Variants in ANKHD1 observed in about 807,000 individuals in gnomAD.
ANKHD1 encodes ankyrin repeat and KH domain containing 1.
In ANKHD1, 31 loss-of-function variants were observed where a neutral mutation model predicts 230.5. The ratio of observed to expected loss-of-function variants is 0.13; its 90% CI spans 0.10 to 0.18. The LOEUF (loss-of-function observed/expected upper bound fraction) is 0.18, where lower values mean the gene tolerates loss of function less well. Among genes scored for constraint, ANKHD1 ranks in the 10% least tolerant of loss-of-function variants. ANKHD1 has a pLI of 1.00. For missense variants in ANKHD1, 2,256 were observed against 3,071.3 expected, an observed-to-expected ratio of 0.73 and a Z score of 6.27; for synonymous variants, 1,074 against 1,117.6, an observed-to-expected ratio of 0.96 and a Z score of 0.78.
intron 1 of ANKHD1, among the ~76,000 whole-genome samples, chr5:140,429,631 T>C (rs889349766): frequency 6.6e-6 from 1 of 152,202 alleles, no homozygotes; most frequent in African/African-American, 2.4e-5. Context: ...AACAAATATA[T>C]GTAATGTACA....
chr5:140,458,996 G>GTATATATATATATATATA (rs1775489101), intron 8 of ANKHD1, 134 bp downstream of exon 8: 1 of 14,346 alleles, frequency 7.0e-5, no homozygotes, highest in Admixed American at 9.9e-4. Context: ...ATATATATAT[G>GTATATATATATATATATA]CATATATATA....
intron 3 of ANKHD1, among the ~76,000 whole-genome samples, chr5:140,439,120 C>T (rs1355773729): frequency 2.6e-5 from 4 of 151,962 alleles, no homozygotes; most frequent in East Asian, 1.9e-4. Context: ...ACAAGAAATA[C>T]GAGTAACTCG....
chr5:140,440,075 G>C (rs139501314), intron 3 of ANKHD1, 44 bp from the exon 4 acceptor site: 31 of 1,502,618 alleles, frequency 2.1e-5, no homozygotes, highest in Non-Finnish European at 2.0e-5. Flanking sequence ...TAGGACCCCC[G>C]AGTCTTTTTG....
chr5:140,473,854 A>G (rs1421896420), intron 10 of ANKHD1, among the ~76,000 whole-genome samples: 1 of 152,210 alleles, frequency 6.6e-6, no homozygotes, highest in Non-Finnish European at 1.5e-5. Flanking sequence ...TCTAGCTGCA[A>G]GTCTCAAAAC....
intron 32 of ANKHD1, among the ~76,000 whole-genome samples, chr5:140,538,681 T>C (rs1754181577): frequency 6.6e-6 from 1 of 152,222 alleles, no homozygotes; most frequent in African/African-American, 2.4e-5. Flanking sequence ...ATATGAGAAA[T>C]TTCCTGATGA....
At chr5:140,407,025 G>T (rs1000331230) in intron 1 of ANKHD1, among the ~76,000 whole-genome samples, 1 of 152,008 alleles carries the variant, frequency 6.6e-6, no homozygotes, top group African/African-American at 2.4e-5. Flanking sequence ...GGCCTGGTGC[G>T]GTGGCTAACG....
chr5:140,527,783 C>A lies in ANKHD1; in HGVS notation c.5088-90C>A. On this transcript the variant is annotated intron_variant, in intron 27 of 33. Coordinates refer to ENST00000360839, the MANE Select transcript of ANKHD1 (RefSeq NM_017747.3). This position sits in a 1 kb window ranked among gnomAD's most constrained non-coding sequence, Gnocchi z 4.5. ...TTAGCATTTAAGAAATGTTATTCTC[C>A]AAAATGTCCATGAACATACTTACTA... is the stretch of plus-strand genomic sequence containing the variant. The A allele has an allele frequency of 7.4e-7, 1 of 1,346,942 alleles. No individual in the cohort carries two copies. The highest frequency in any genetic ancestry group is 9.7e-7 in the Non-Finnish European group (1 of 1,034,558). 83.4% of individuals were successfully genotyped at this position (1,346,942 alleles called of 1,614,324 possible). A position where few individuals can be genotyped will look rare whatever the true frequency, so the allele number is the denominator to read the frequency against.
In ANKHD1 at chr5:140,486,059, C is replaced by G. The variant is rs145660415; in HGVS notation, c.2142+327C>G. ...CAAGAGAATCAAGAGAAAGCTTTTT[C>G]TTTTTTCTTTTGTTTTTTTTTTTGA... On this transcript the variant is annotated intron_variant, in intron 13 of 33. Coordinates refer to ENST00000360839, the MANE Select transcript of ANKHD1 (RefSeq NM_017747.3). 2.2e-3 allele frequency: 559 copies of G among 249,036 alleles called. 6 individuals carry two copies. Among genetic ancestry groups the G allele is most frequent in the African/African-American group, 0.013 (543 of 42,692 alleles). The allele number at this position is 249,036 out of a possible 1,614,324, so 15.4% of individuals were successfully genotyped here.
chr5:140,521,862 C>A (rs372479834), intron 24 of ANKHD1, among the ~76,000 whole-genome samples: 1 of 152,140 alleles, frequency 6.6e-6, no homozygotes, highest in Non-Finnish European at 1.5e-5. Flanking sequence ...GCCTGTAATC[C>A]CAGCTACCTG....
chr5:140,539,513 C>A lies in ANKHD1; in HGVS notation c.*95C>A. On this transcript the variant is annotated 3_prime_UTR_variant, in exon 34 of 34. Transcript: ENST00000360839. ...TTTTAATGTGCCTAAGAAATTTTCT[C>A]TGAGGCTTTAGCAATGGAAATTTGA... The A allele has an allele frequency of 7.2e-7, 1 of 1,394,468 alleles. No individual in the cohort carries two copies. Among genetic ancestry groups the A allele is most frequent in the Non-Finnish European group, 9.8e-7 (1 of 1,015,374 alleles). 86.4% of individuals were successfully genotyped at this position (1,394,468 alleles called of 1,614,324 possible). A position where few individuals can be genotyped will look rare whatever the true frequency, so the allele number is the denominator to read the frequency against.
rs753587080 is a variant in ANKHD1, at chr5:140,445,721, AT to A, written c.914-18del. 4.8e-5 allele frequency: 74 copies of A among 1,546,444 alleles called. No individual in the cohort carries two copies. In the African/African-American group the frequency reaches 8.2e-4, roughly 17 times the overall value. On this transcript the variant is annotated intron_variant, in intron 5 of 33. Coordinates refer to ENST00000360839, the MANE Select transcript of ANKHD1 (RefSeq NM_017747.3). ...AATATATATTCTGCTCATGTATTATATTTCTTCTTCTTCTTTTTAGGAAACA... is the reference window on the plus strand; with the variant it reads ...AATATATATTCTGCTCATGTATTATATTCTTCTTCTTCTTTTTAGGAAACA...
intron 24 of ANKHD1, among the ~76,000 whole-genome samples, chr5:140,518,955 G>C (rs1753183665): frequency 6.6e-6 from 1 of 152,132 alleles, no homozygotes; most frequent in African/African-American, 2.4e-5. Context: ...GCAGGAGAAG[G>C]AAATAAAGGG....
rs758134675 is a variant in ANKHD1, at chr5:140,458,755, T to C, written c.1373T>C (p.Ile458Thr). ...CATGTTGAATTGGCAGCTCTACTTATTGAAAGGGGAGCAAATCTTGAAGAA... is the reference window on the plus strand; with the variant it reads ...CATGTTGAATTGGCAGCTCTACTTACTGAAAGGGGAGCAAATCTTGAAGAA... ...GGHVELAALL[I>T]ERGANLEEVN... The change falls in exon 8 of 34, where the codon ATT (isoleucine) becomes ACT (threonine). Residue 458 changes from isoleucine to threonine, a missense_variant. Coordinates refer to ENST00000360839, the MANE Select transcript of ANKHD1 (RefSeq NM_017747.3). 6 of 1,613,116 alleles carry C rather than the reference T, an allele frequency of 3.7e-6. No homozygotes were observed. The East Asian group carries it at 8.9e-5, about 24-fold the overall frequency.
chr5:140,480,468 C>G (rs1751224042), intron 10 of ANKHD1, among the ~76,000 whole-genome samples: 1 of 151,988 alleles, frequency 6.6e-6, no homozygotes, highest in African/African-American at 2.4e-5. Context: ...ATGTCTTTGC[C>G]ATGACTCACG....
chr5:140,414,015 A>T (rs1771151922), intron 1 of ANKHD1, among the ~76,000 whole-genome samples: 1 of 152,082 alleles, frequency 6.6e-6, no homozygotes, highest in Non-Finnish European at 1.5e-5. Context: ...TCCTGACCTC[A>T]TGTGATCCAC....
chr5:140,439,507 T>C (rs1193029544), intron 3 of ANKHD1, among the ~76,000 whole-genome samples: 2 of 151,982 alleles, frequency 1.3e-5, no homozygotes, highest in African/African-American at 4.8e-5. Flanking sequence ...GCATCTCTCC[T>C]AAAAATACAA....
At chr5:140,495,061 C>A (rs1282878677) in intron 14 of ANKHD1, among the ~76,000 whole-genome samples, 1 of 152,040 alleles carries the variant, frequency 6.6e-6, no homozygotes, top group East Asian at 1.9e-4. Flanking sequence ...ACTGTTATAA[C>A]CTCAGGCAGC....
chr5:140,505,732 C>T lies in ANKHD1; in HGVS notation c.3271C>T (p.Pro1091Ser). ...IEHRDKKGFTPLILAATAGHV... is the reference protein window; with the variant it reads ...IEHRDKKGFTSLILAATAGHV... ...TTCATTTTCTGATTTAGGTTTCACA[C>T]CACTAATCCTGGCAGCAACAGCAGG... Residue 1091 changes from proline (P) to serine (S), a missense_variant, in exon 18 of 34, where the codon CCA (proline) becomes TCA (serine). Physicochemically the swap from Pro to Ser is moderately conservative, Grantham distance 74. Around this residue, in one of 13 missense-constraint regions of ANKHD1, gnomAD observed 63 missense variants for 125.5 expected, o/e 0.50. Transcript: ENST00000360839. 6.2e-7 allele frequency: 1 copy of T among 1,601,236 alleles called. No homozygotes were observed. Among genetic ancestry groups the T allele is most frequent in the South Asian group, 1.1e-5 (1 of 87,680 alleles).
intron 1 of ANKHD1, among the ~76,000 whole-genome samples, chr5:140,431,695 G>C (rs995014580): frequency 3.3e-5 from 5 of 152,162 alleles, no homozygotes; most frequent in Admixed American, 3.3e-4. Flanking sequence ...TTGATCTCCA[G>C]TGTAATATGC....
Sources: allele counts gnomAD v4.1 joint callset (sites outside exome capture counted in the v4.1 genomes callset), GRCh38; gene constraint gnomAD v4.1.1; regional missense constraint gnomAD v4.1.1; non-coding constraint Gnocchi (gnomAD v3.1); transcripts MANE v1.5; gene names NCBI Gene and HGNC (gene_info 2026-07-23, HGNC 2026-07-21).